The following PTPRD variants were observed in gnomAD, a reference collection of about 807,000 sequenced individuals.
PTPRD encodes protein tyrosine phosphatase receptor type D.
A neutral mutation model predicts 214.5 loss-of-function variants in PTPRD; 34 were observed. The observed-to-expected ratio is 0.16, with a 90% CI of 0.12 to 0.21. The LOEUF (loss-of-function observed/expected upper bound fraction) is 0.21, where lower values mean the gene tolerates loss of function less well. Ranked by LOEUF, PTPRD falls within the 10% of genes least tolerant of loss-of-function variation. PTPRD has a pLI of 1.00. For synonymous variants in PTPRD, 1,128 were observed against 845.7 expected (o/e 1.33, Z -5.79); for missense variants, 2,545 against 2,398.7 (o/e 1.06, Z -1.27).
In PTPRD at chr9:9,444,208, C is replaced by T. The variant is rs188380296; in HGVS notation, c.-236-46726G>A. Among the ~76,000 whole-genome samples, 536 of 152,156 alleles carry T rather than the reference C, an allele frequency of 3.5e-3. 2 individuals are homozygous for T. Among genetic ancestry groups the T allele is most frequent in the Admixed American group, 5.0e-3 (76 of 15,286 alleles). Reference sequence around the variant, plus strand: ...TGCATCTACTTTTTTTTCTGAACAACTAATTTGATAGGAGAGTTCTATAAT... The same window carrying T: ...TGCATCTACTTTTTTTTCTGAACAATTAATTTGATAGGAGAGTTCTATAAT... On this transcript the variant is annotated intron_variant, in intron 8 of 45. Transcript: ENST00000381196.
chr9:8,851,637 T>C (rs1353860790), intron 11 of PTPRD, among the ~76,000 whole-genome samples: 3 of 152,182 alleles, frequency 2.0e-5, no homozygotes, highest in African/African-American at 7.2e-5. Context: ...TTGAATATGG[T>C]ATGTTCATTA....
chr9:8,644,711 A>T (rs2096650034), intron 12 of PTPRD, among the ~76,000 whole-genome samples: 1 of 152,210 alleles, frequency 6.6e-6, no homozygotes, highest in African/African-American at 2.4e-5. Context: ...CTCACGGAGA[A>T]CTGGCAGCCA....
chr9:8,662,872 T>C (rs972408090), intron 12 of PTPRD, among the ~76,000 whole-genome samples: 13 of 152,176 alleles, frequency 8.5e-5, no homozygotes, highest in South Asian at 2.1e-4. Context: ...ATGATTATCT[T>C]AAAGGAAACC....
intron 3 of PTPRD, among the ~76,000 whole-genome samples, chr9:10,262,157 C>T (rs781395797): frequency 7.3e-5 from 11 of 151,032 alleles, no homozygotes; most frequent in Non-Finnish European, 1.3e-4. Context: ...AATCAGTGGT[C>T]TAAAAAGGTG....
intron 8 of PTPRD, among the ~76,000 whole-genome samples, chr9:9,555,019 G>C (rs1353568647): frequency 1.3e-5 from 2 of 151,842 alleles, no homozygotes; most frequent in Non-Finnish European, 2.9e-5. Context: ...TGTGCAAAGA[G>C]GAAAATAATT....
At chr9:10,086,328 C>T (rs1054571303) in intron 3 of PTPRD, among the ~76,000 whole-genome samples, 3 of 151,660 alleles carry the variant, frequency 2.0e-5, no homozygotes, top group East Asian at 2.0e-4. Flanking sequence ...CTTACAGTGC[C>T]GTAAAATTTA....
At chr9:9,506,693 G>C (rs996957960) in intron 8 of PTPRD, among the ~76,000 whole-genome samples, 4 of 151,478 alleles carry the variant, frequency 2.6e-5, no homozygotes, top group East Asian at 1.9e-4. Flanking sequence ...TAGAAGTTGA[G>C]GAAATCCATA....
chr9:10,214,812 T>C (rs192132481), intron 3 of PTPRD, among the ~76,000 whole-genome samples: 1 of 152,212 alleles, frequency 6.6e-6, no homozygotes, highest in East Asian at 1.9e-4. Context: ...AGCTAATATA[T>C]TAAACTGAGT....
intron 3 of PTPRD, among the ~76,000 whole-genome samples, chr9:10,206,993 C>A (rs2099486053): frequency 6.6e-6 from 1 of 151,978 alleles, no homozygotes; most frequent in Non-Finnish European, 1.5e-5. Context: ...AAACTGAGGT[C>A]AAATGTATAC....
chr9:9,499,162 C>A (rs1179330605), intron 8 of PTPRD, among the ~76,000 whole-genome samples: 1 of 152,090 alleles, frequency 6.6e-6, no homozygotes, highest in Non-Finnish European at 1.5e-5. Context: ...CAAAGATAAT[C>A]ACGACATTCA....
chr9:10,530,169 G>C (rs182825463), intron 2 of PTPRD, among the ~76,000 whole-genome samples: 3 of 152,234 alleles, frequency 2.0e-5, no homozygotes, highest in South Asian at 2.1e-4. Context: ...AAAGTCTATA[G>C]TAAAATTATC....
chr9:9,646,457 T>C (rs961987377), intron 7 of PTPRD, among the ~76,000 whole-genome samples: 17 of 152,086 alleles, frequency 1.1e-4, no homozygotes, highest in African/African-American at 4.1e-4. Context: ...GAAGGAAATC[T>C]GCCTGTTTCC....
intron 35 of PTPRD, among the ~76,000 whole-genome samples, chr9:8,416,225 T>C (rs2093926048): frequency 6.6e-6 from 1 of 152,130 alleles, no homozygotes; most frequent in African/African-American, 2.4e-5. Context: ...AGATAAACTT[T>C]TACTGTTAAA....
intron 44 of PTPRD, among the ~76,000 whole-genome samples, chr9:8,325,600 G>GT (rs1233712691): frequency 1.3e-5 from 2 of 149,566 alleles, no homozygotes; most frequent in African/African-American, 5.0e-5. Flanking sequence ...ATTTAAAGTA[G>GT]TTTTTTCCCA....
intron 2 of PTPRD, among the ~76,000 whole-genome samples, chr9:10,484,847 G>A (rs1418717444): frequency 6.6e-6 from 1 of 151,568 alleles, no homozygotes; most frequent in South Asian, 2.1e-4. Context: ...CCTTTGCTGT[G>A]CAGAAGCTCT....
At chr9:9,786,363 T>C (rs2098923906) in intron 5 of PTPRD, among the ~76,000 whole-genome samples, 1 of 152,244 alleles carries the variant, frequency 6.6e-6, no homozygotes. Flanking sequence ...TGGAAAACTT[T>C]ATTAGCATCG....
At chr9:10,061,154 T>C (rs1265745635) in intron 3 of PTPRD, among the ~76,000 whole-genome samples, 1 of 151,844 alleles carries the variant, frequency 6.6e-6, no homozygotes, top group Non-Finnish European at 1.5e-5. Context: ...AAGAAATACT[T>C]GCTCATTTAA....
intron 5 of PTPRD, among the ~76,000 whole-genome samples, chr9:9,911,105 G>T (rs1293711037): frequency 6.6e-6 from 1 of 151,852 alleles, no homozygotes; most frequent in South Asian, 2.1e-4. Context: ...CTGTTCTTTG[G>T]TTTATTGTGT....
At chr9:8,995,504 TAC>T (rs545973078) in intron 11 of PTPRD, among the ~76,000 whole-genome samples, 214 of 152,220 alleles carry the variant, frequency 1.4e-3, no homozygotes, top group African/African-American at 4.5e-3. Flanking sequence ...GTCACTATTT[TAC>T]AGTTTGACAC....
Sources: gnomAD v4.1 joint callset for allele counts (sites outside exome capture counted in the v4.1 genomes callset) on GRCh38, gnomAD v4.1.1 for gene constraint, MANE v1.5 for transcripts, NCBI Gene and HGNC (gene_info 2026-07-23, HGNC 2026-07-21) for gene names.